NGEF: variants seen among roughly 807,000 people sequenced by gnomAD.
NGEF encodes ephexin-1.
In NGEF, 31 loss-of-function variants were observed where a neutral mutation model predicts 80.9. The observed-to-expected ratio is 0.38, with a 90% confidence interval of 0.29 to 0.52. The LOEUF is 0.52. Among genes scored for constraint, NGEF ranks in the 20% least tolerant of loss-of-function variants. The pLI is 0.84. For synonymous variants in NGEF, 371 were observed against 370.2 expected (o/e 1.00, Z -0.03); for missense variants, 709 against 926.2 (o/e 0.77, Z 3.04).
intron 3 of NGEF, among the ~76,000 whole-genome samples, chr2:232,929,190 C>T (rs1251059085): frequency 1.3e-5 from 2 of 152,206 alleles, no homozygotes; most frequent in Non-Finnish European, 2.9e-5. Context: ...GAGCATAGTC[C>T]CCCGCACGCT....
At chr2:232,906,781 C>CCA (rs1692566885) in intron 5 of NGEF, among the ~76,000 whole-genome samples, 1 of 151,318 alleles carries the variant, frequency 6.6e-6, no homozygotes, top group African/African-American at 2.4e-5. Context: ...CGGATGGTTG[C>CCA]GGTGTCTGTG....
intron 5 of NGEF, among the ~76,000 whole-genome samples, chr2:232,918,820 G>C (rs1692869684): frequency 6.6e-6 from 1 of 151,388 alleles, no homozygotes; most frequent in African/African-American, 2.4e-5. Flanking sequence ...GTAGAGACTG[G>C]GTTTCACCAT....
chr2:232,990,361 A>G (rs1012465079), intron 1 of NGEF, among the ~76,000 whole-genome samples: 2 of 152,266 alleles, frequency 1.3e-5, no homozygotes, highest in Non-Finnish European at 1.5e-5. Context: ...TTGAGAGATG[A>G]AAGGAAGCTT....
intron 1 of NGEF, among the ~76,000 whole-genome samples, chr2:233,007,027 T>C (rs1695098378): frequency 6.6e-6 from 1 of 152,170 alleles, no homozygotes. Context: ...GCTGATCACT[T>C]GAGTCCAGGA....
intron 1 of NGEF, among the ~76,000 whole-genome samples, chr2:232,977,401 A>C (rs6718696): frequency 0.59 from 89,088 of 151,916 alleles, 27,339 homozygotes; most frequent in African/African-American, 0.73. Context: ...CTCCCCAGAG[A>C]TGGGGGTGCT....
At chr2:232,966,018 T>C (rs1428263285) in intron 3 of NGEF, among the ~76,000 whole-genome samples, 1 of 152,202 alleles carries the variant, frequency 6.6e-6, no homozygotes, top group Non-Finnish European at 1.5e-5. Flanking sequence ...CATGCAAAGC[T>C]TTGCTGGCTA....
chr2:232,981,394 G>A (rs1256947838), intron 1 of NGEF, among the ~76,000 whole-genome samples: 1 of 151,988 alleles, frequency 6.6e-6, no homozygotes, highest in Non-Finnish European at 1.5e-5. Context: ...TAACAAATTA[G>A]CTACACGAGT....
chr2:232,885,810 C>G (rs1450420186), intron 9 of NGEF, among the ~76,000 whole-genome samples: 1 of 152,182 alleles, frequency 6.6e-6, no homozygotes, highest in East Asian at 1.9e-4. Flanking sequence ...CACATGGGGC[C>G]CGGCACAGGG....
intron 9 of NGEF, 24 bp downstream of exon 9, chr2:232,888,009 A>C: frequency 2.5e-6 from 4 of 1,596,030 alleles, no homozygotes; most frequent in South Asian, 2.2e-5. Context: ...ATTGGGATAC[A>C]GCACAAGAGG....
chr2:232,978,338 A>G (rs191838385), intron 1 of NGEF, among the ~76,000 whole-genome samples: 52 of 151,424 alleles, frequency 3.4e-4, no homozygotes, highest in African/African-American at 1.2e-3. Context: ...CATGGTGAAA[A>G]CCAGTCTCTA....
At chr2:232,944,775 G>A (rs1255114772) in intron 3 of NGEF, among the ~76,000 whole-genome samples, 1 of 109,638 alleles carries the variant, frequency 9.1e-6, no homozygotes, top group Non-Finnish European at 1.9e-5. Context: ...TTTTGGAGAT[G>A]GAGTCCTGCT....
At chr2:232,981,799 T>G (rs150012472) in intron 1 of NGEF, among the ~76,000 whole-genome samples, 1 of 152,374 alleles carries the variant, frequency 6.6e-6, no homozygotes, top group East Asian at 1.9e-4. Context: ...CGTGAATTAC[T>G]ATTTCTCCAT....
chr2:233,007,530 G>A (rs1425942075), intron 1 of NGEF, among the ~76,000 whole-genome samples: 1 of 152,142 alleles, frequency 6.6e-6, no homozygotes, highest in Non-Finnish European at 1.5e-5. Flanking sequence ...TGCACACCGG[G>A]GGCTTTTAAC....
rs896718150 is a variant in NGEF, at chr2:232,889,505, T to C, written c.1273-1398A>G. Among the ~76,000 whole-genome samples, 3 of 152,226 alleles carry C rather than the reference T, an allele frequency of 2.0e-5. No individual in the cohort carries two copies. The East Asian group carries it at 5.8e-4, about 29-fold the overall frequency. ...GCATTTCCATTGCTTTTAATCTTACTGTTGGTTTTCATCTTATAGAAGCTA... is the reference window on the plus strand; with the variant it reads ...GCATTTCCATTGCTTTTAATCTTACCGTTGGTTTTCATCTTATAGAAGCTA... On this transcript the variant is annotated intron_variant, in intron 8 of 14. Coordinates refer to ENST00000264051, the MANE Select transcript of NGEF (RefSeq NM_019850.3).
At chr2:232,949,540 C>T (rs554579376) in intron 3 of NGEF, among the ~76,000 whole-genome samples, 129 of 151,304 alleles carry the variant, frequency 8.5e-4, no homozygotes, top group African/African-American at 2.7e-3. Flanking sequence ...TGCAGTGGCG[C>T]GATCTCGGCT....
At chr2:232,923,820 C>T (rs1263978957) in intron 4 of NGEF, among the ~76,000 whole-genome samples, 2 of 152,144 alleles carry the variant, frequency 1.3e-5, no homozygotes, top group East Asian at 3.9e-4. Context: ...CTGGTGTCCC[C>T]CCAGATTCGT....
At chr2:232,897,857 C>T (rs983911321) in intron 5 of NGEF, among the ~76,000 whole-genome samples, 21 of 146,642 alleles carry the variant, frequency 1.4e-4, no homozygotes, top group African/African-American at 4.1e-4. Flanking sequence ...CTTGAGACAG[C>T]GACGGTCAGA....
At chr2:232,985,997 T>C (rs1694526314) in intron 1 of NGEF, among the ~76,000 whole-genome samples, 1 of 150,740 alleles carries the variant, frequency 6.6e-6, no homozygotes, top group South Asian at 2.1e-4. Context: ...ACCAGCAGGC[T>C]CTTCCACTAA....
intron 3 of NGEF, among the ~76,000 whole-genome samples, chr2:232,953,498 C>A (rs1295343137): frequency 3.1e-5 from 4 of 129,108 alleles, no homozygotes; most frequent in African/African-American, 1.2e-4. Context: ...GACTTACATT[C>A]TTTTTTTTTT....
Sources: gnomAD v4.1 joint callset for allele counts (sites outside exome capture counted in the v4.1 genomes callset) on GRCh38, gnomAD v4.1.1 for gene constraint, MANE v1.5 for transcripts, NCBI Gene and HGNC (gene_info 2026-07-23, HGNC 2026-07-21) for gene names.